The following TLK1 variants were observed in gnomAD, a reference collection of about 807,000 sequenced individuals.
TLK1 encodes the protein serine/threonine-protein kinase tousled-like 1.
In TLK1, 24 loss-of-function variants were observed where a neutral mutation model predicts 105.3. The observed-to-expected ratio is 0.23, with a 90% confidence interval of 0.17 to 0.32. The LOEUF (loss-of-function observed/expected upper bound fraction) is 0.32, where lower values mean the gene tolerates loss of function less well. Among genes scored for constraint, TLK1 ranks in the 10% least tolerant of loss-of-function variants. The pLI, the probability that TLK1 is intolerant of heterozygous loss-of-function variation, is 1.00. For missense variants in TLK1, 558 were observed against 910.5 expected (o/e 0.61, Z 4.98); for synonymous variants, 321 against 310.4 (o/e 1.03, Z -0.36).
At chr2:171,066,887 G>A (rs1007163194) in intron 3 of TLK1, 1 of 1,552,138 alleles carries the variant, frequency 6.4e-7, no homozygotes, top group African/African-American at 1.4e-5. Context: ...CAGCCATTTA[G>A]AACAACTGCT....
upstream of TLK1, chr2:171,160,972 GGCGGCGGCGGCGGCGGCA>G: frequency 5.1e-6 from 1 of 197,492 alleles, no homozygotes; most frequent in Non-Finnish European, 9.6e-6. The surrounding 1 kb of genome is among the most constrained non-coding windows in gnomAD (Gnocchi z 4.4). Flanking sequence ...CGGTAGCGGC[GGCGGCGGCGGCGGCGGCA>G]GCGGCGGCCG....
chr2:171,082,933 A>G, intron 2 of TLK1, 81 bp from the exon 3 acceptor site: 4 of 916,912 alleles, frequency 4.4e-6, no homozygotes, highest in Non-Finnish European at 6.9e-6. Flanking sequence ...AACATATTAC[A>G]AAGTAGATAA....
At chr2:171,110,915 A>G (rs192708631) in intron 2 of TLK1, among the ~76,000 whole-genome samples, 8 of 152,328 alleles carry the variant, frequency 5.3e-5, no homozygotes, top group Admixed American at 3.3e-4. Flanking sequence ...AACCGAACAC[A>G]TAAGAGCTAC....
chr2:171,087,627 C>A lies in TLK1; in HGVS notation c.259-4775G>T, dbSNP rs1003803278. 7.2e-5 allele frequency among the ~76,000 whole-genome samples: 11 copies of A among 152,130 alleles called. 1 individual carries two copies. The highest frequency in any genetic ancestry group is 8.8e-5 in the Non-Finnish European group (6 of 68,028). ...ACAGATTGAAGTTCACTCAATCTCC[C>A]AAGCAGGATAACTACAAAGAAAACC... On this transcript the variant is annotated intron_variant, in intron 2 of 20. Transcript: ENST00000431350.
intron 1 of TLK1, among the ~76,000 whole-genome samples, chr2:171,178,148 A>C (rs535113207): frequency 6.6e-6 from 1 of 152,300 alleles, no homozygotes; most frequent in South Asian, 2.1e-4. Context: ...GAGTGTTTAA[A>C]TGCATTATCT....
chr2:171,213,460 C>T (rs1693656861), intron 1 of TLK1, among the ~76,000 whole-genome samples: 1 of 151,854 alleles, frequency 6.6e-6, no homozygotes, highest in Non-Finnish European at 1.5e-5. Flanking sequence ...ACCTCGACCT[C>T]CCAAAGTGCC....
chr2:171,203,934 C>T (rs1357230637), intron 1 of TLK1, among the ~76,000 whole-genome samples: 1 of 152,052 alleles, frequency 6.6e-6, no homozygotes, highest in Non-Finnish European at 1.5e-5. Flanking sequence ...CACCTGTAGT[C>T]CCAACTACTT....
intron 3 of TLK1, among the ~76,000 whole-genome samples, chr2:171,072,781 AT>A (rs1363379124): frequency 6.6e-6 from 1 of 151,254 alleles, no homozygotes; most frequent in Non-Finnish European, 1.5e-5. Flanking sequence ...AGAAAAAAAA[AT>A]GTTGGGTGCA....
intron 1 of TLK1, among the ~76,000 whole-genome samples, chr2:171,125,333 CTA>C (rs1241835047): frequency 4.6e-5 from 7 of 152,108 alleles, no homozygotes; most frequent in Non-Finnish European, 1.0e-4. Context: ...TATTGCAGCT[CTA>C]GTGTCACTTC....
At chr2:171,029,810 G>A (rs1213476751) in intron 11 of TLK1, among the ~76,000 whole-genome samples, 1 of 151,690 alleles carries the variant, frequency 6.6e-6, no homozygotes, top group East Asian at 1.9e-4. Context: ...CAGTGGCCAC[G>A]ATCTCAGCTC....
At chr2:171,026,651 G>C (rs1353510930) in intron 12 of TLK1, among the ~76,000 whole-genome samples, 2 of 152,056 alleles carry the variant, frequency 1.3e-5, no homozygotes, top group African/African-American at 4.8e-5. Flanking sequence ...ATCACCACAG[G>C]CTGGTTAGAA....
chr2:171,134,090 A>T (rs758413365), intron 1 of TLK1, among the ~76,000 whole-genome samples: 1 of 152,204 alleles, frequency 6.6e-6, no homozygotes, highest in Non-Finnish European at 1.5e-5. Flanking sequence ...AATGCCATGC[A>T]GCATAACAGT....
At chr2:171,177,983 G>A (rs1404868572) in intron 1 of TLK1, among the ~76,000 whole-genome samples, 4 of 151,908 alleles carry the variant, frequency 2.6e-5, no homozygotes, top group African/African-American at 7.3e-5. Flanking sequence ...TAGTAGAGAC[G>A]GGGTTTCTCC....
In TLK1 at chr2:171,160,574, G is replaced by A; in HGVS notation, c.-146C>T. On this transcript the variant is annotated 5_prime_UTR_variant, in exon 1 of 21. Coordinates refer to ENST00000431350, the MANE Select transcript of TLK1 (RefSeq NM_012290.5). This position sits in a 1 kb window ranked among gnomAD's most constrained non-coding sequence, Gnocchi z 4.4. ...AGGGGAGAGTCAAGGGGATGGGGGAGGAAACCGAGAAGAGGGGAGGTGGGG... is the reference window on the plus strand; with the variant it reads ...AGGGGAGAGTCAAGGGGATGGGGGAAGAAACCGAGAAGAGGGGAGGTGGGG... 1 of 1,379,732 alleles carries A rather than the reference G, an allele frequency of 7.2e-7. No homozygotes were observed. Among genetic ancestry groups the A allele is most frequent in the Non-Finnish European group, 9.8e-7 (1 of 1,023,160 alleles). 85.5% of individuals were successfully genotyped at this position (1,379,732 alleles called of 1,614,324 possible). A position where few individuals can be genotyped will look rare whatever the true frequency, so the allele number is the denominator to read the frequency against.
intron 3 of TLK1, among the ~76,000 whole-genome samples, chr2:171,078,465 G>A (rs1688610816): frequency 6.6e-6 from 1 of 152,112 alleles, no homozygotes; most frequent in Admixed American, 6.5e-5. Context: ...TTGAACCTGG[G>A]AGGCGGAGGT....
At chr2:171,218,224 G>T (rs1295812668) in intron 1 of TLK1, among the ~76,000 whole-genome samples, 1 of 152,166 alleles carries the variant, frequency 6.6e-6, no homozygotes. Context: ...CTGCACTCCA[G>T]CCTGGTGACA....
intron 18 of TLK1, among the ~76,000 whole-genome samples, chr2:171,001,853 T>A (rs907331017): frequency 5.9e-5 from 9 of 151,916 alleles, no homozygotes; most frequent in African/African-American, 2.2e-4. Flanking sequence ...GTGATCTCGC[T>A]CACTGCAACC....
At chr2:171,126,083 T>G (rs557049016) in intron 1 of TLK1, among the ~76,000 whole-genome samples, 1 of 152,292 alleles carries the variant, frequency 6.6e-6, no homozygotes, top group East Asian at 1.9e-4. Flanking sequence ...ACTATAAAGA[T>G]CATACCATTC....
chr2:171,119,278 T>C (rs1250502010), intron 1 of TLK1, among the ~76,000 whole-genome samples: 1 of 152,224 alleles, frequency 6.6e-6, no homozygotes, highest in Non-Finnish European at 1.5e-5. Context: ...AAACTGTATA[T>C]TATTCCTTTA....
Sources: gnomAD v4.1 joint callset for allele counts (sites outside exome capture counted in the v4.1 genomes callset) on GRCh38, gnomAD v4.1.1 for gene constraint, Gnocchi (gnomAD v3.1) non-coding constraint, MANE v1.5 for transcripts, NCBI Gene and HGNC (gene_info 2026-07-23, HGNC 2026-07-21) for gene names.